The following MAF variants were observed in gnomAD, a reference collection of about 807,000 sequenced individuals.
MAF encodes the protein transcription factor Maf.
A neutral mutation model predicts 22.0 loss-of-function variants in MAF; 10 were observed. The ratio of observed to expected loss-of-function variants is 0.45; its 90% CI spans 0.28 to 0.77. The LOEUF is 0.77. MAF is among the 30% of genes least tolerant of loss of function. The pLI is 0.12. For missense variants in MAF, 544 were observed against 548.4 expected (o/e 0.99, Z 0.08); for synonymous variants, 337 against 255.8 (o/e 1.32, Z -3.03).
the MAF span, among the ~76,000 whole-genome samples, chr16:79,261,450 G>A: frequency 6.6e-6 from 1 of 152,226 alleles, no homozygotes; most frequent in Admixed American, 6.5e-5. Flanking sequence ...ACCACGCCTG[G>A]CTGGTCTTCT....
chr16:79,234,777 C>G, the MAF span, among the ~76,000 whole-genome samples: 1 of 152,094 alleles, frequency 6.6e-6, no homozygotes, highest in South Asian at 2.1e-4. Flanking sequence ...CTCCCCTAAG[C>G]CAGTCCTGCC....
the MAF span, among the ~76,000 whole-genome samples, chr16:79,471,708 A>C: frequency 6.6e-6 from 1 of 152,178 alleles, no homozygotes; most frequent in Non-Finnish European, 1.5e-5. Context: ...AACCCAAACA[A>C]GTAAAAAAGC....
chr16:79,209,435 C>G, the MAF span, among the ~76,000 whole-genome samples: 1 of 152,188 alleles, frequency 6.6e-6, no homozygotes, highest in Non-Finnish European at 1.5e-5. Flanking sequence ...TTTGGTCTTT[C>G]CTCACGCTTG....
the MAF span, among the ~76,000 whole-genome samples, chr16:79,240,799 G>A: frequency 1.3e-5 from 2 of 151,846 alleles, no homozygotes; most frequent in Non-Finnish European, 1.5e-5. Flanking sequence ...AGAGAGCTTC[G>A]GCTGGCATCT....
the MAF span, among the ~76,000 whole-genome samples, chr16:79,302,112 C>G: frequency 6.6e-6 from 1 of 152,226 alleles, no homozygotes; most frequent in Admixed American, 6.5e-5. Context: ...CTTCCTACAC[C>G]TGGGGTCTCA....
At chr16:79,503,168 A>G in the MAF span, among the ~76,000 whole-genome samples, 1 of 152,140 alleles carries the variant, frequency 6.6e-6, no homozygotes, top group African/African-American at 2.4e-5. Context: ...TGAATGAAGA[A>G]TGCCCAAGAT....
the MAF span, among the ~76,000 whole-genome samples, chr16:79,566,915 T>G: frequency 6.6e-6 from 1 of 152,214 alleles, no homozygotes; most frequent in Non-Finnish European, 1.5e-5. Context: ...AAAATGGACT[T>G]GGATAGAATC....
At chr16:79,483,951 G>A in the MAF span, among the ~76,000 whole-genome samples, 1 of 152,140 alleles carries the variant, frequency 6.6e-6, no homozygotes, top group African/African-American at 2.4e-5. Flanking sequence ...CTGGTAGAGT[G>A]GCCAACTTGA....
the MAF span, among the ~76,000 whole-genome samples, chr16:79,323,807 AG>A: frequency 6.6e-6 from 1 of 152,206 alleles, no homozygotes; most frequent in South Asian, 2.1e-4. Context: ...CTGCAATCCC[AG>A]GGGAAGGAAT....
the MAF span, among the ~76,000 whole-genome samples, chr16:79,413,468 C>T: frequency 4.0e-5 from 6 of 150,246 alleles, no homozygotes; most frequent in Admixed American, 6.7e-5. Context: ...CTCCTGACCT[C>T]GTGATCCACC....
the MAF span, among the ~76,000 whole-genome samples, chr16:79,431,456 A>C: frequency 1.4e-4 from 22 of 152,232 alleles, no homozygotes; most frequent in Non-Finnish European, 3.1e-4. Flanking sequence ...AATACCGTAC[A>C]TACATACACT....
the MAF span, among the ~76,000 whole-genome samples, chr16:79,408,819 A>G: frequency 8.5e-5 from 13 of 152,286 alleles, no homozygotes; most frequent in East Asian, 2.5e-3. Context: ...GAATCCCTGC[A>G]CCCAAAGGCT....
At chr16:79,259,821 C>T in the MAF span, among the ~76,000 whole-genome samples, 1 of 151,990 alleles carries the variant, frequency 6.6e-6, no homozygotes, top group Non-Finnish European at 1.5e-5. Context: ...GCCCAATGTA[C>T]CCAGAGGAGG....
the MAF span, among the ~76,000 whole-genome samples, chr16:79,552,068 TG>T: frequency 1.3e-5 from 2 of 152,160 alleles, no homozygotes; most frequent in African/African-American, 4.8e-5. Flanking sequence ...TATAAAGACC[TG>T]AAACCTAACC....
At chr16:79,216,041 C>CAAGT in the MAF span, among the ~76,000 whole-genome samples, 3 of 152,202 alleles carry the variant, frequency 2.0e-5, no homozygotes, top group African/African-American at 7.2e-5. Flanking sequence ...GACAGGTGAG[C>CAAGT]AAGTGCATGG....
the MAF span, among the ~76,000 whole-genome samples, chr16:79,375,817 C>T: frequency 1.3e-5 from 2 of 152,186 alleles, no homozygotes; most frequent in African/African-American, 4.8e-5. Flanking sequence ...TCCCAGTTCA[C>T]TCCCTTGTGG....
the MAF span, among the ~76,000 whole-genome samples, chr16:79,339,833 G>C: frequency 1.3e-5 from 2 of 152,150 alleles, no homozygotes; most frequent in Non-Finnish European, 2.9e-5. Flanking sequence ...CCCTTAACAA[G>C]ATTATCTCTT....
At chr16:79,564,943 G>A in the MAF span, among the ~76,000 whole-genome samples, 14,591 of 152,216 alleles carry the variant, frequency 0.096, 767 homozygotes, top group Middle Eastern at 0.16. Flanking sequence ...GGGTGGGCTG[G>A]TGTAAAAAAT....
the MAF span, among the ~76,000 whole-genome samples, chr16:79,483,636 G>C: frequency 6.6e-6 from 1 of 152,164 alleles, no homozygotes; most frequent in Admixed American, 6.5e-5. Flanking sequence ...TGTTCTAGCA[G>C]AGGTAGCAGC....
Sources: gnomAD v4.1 joint callset for allele counts (sites outside exome capture counted in the v4.1 genomes callset) on GRCh38, gnomAD v4.1.1 for gene constraint, MANE v1.5 for transcripts, NCBI Gene and HGNC (gene_info 2026-07-23, HGNC 2026-07-21) for gene names.